The following HINFP variants were observed in gnomAD, a reference collection of about 807,000 sequenced individuals.
HINFP encodes histone H4 transcription factor, also known as MBD2 (methyl-CpG-binding protein)-interacting zinc finger protein.
HINFP carries 20 observed loss-of-function variants against 50.1 expected under a neutral mutation model. The observed-to-expected ratio is 0.40, with a 90% CI of 0.28 to 0.58. The LOEUF (loss-of-function observed/expected upper bound fraction) is 0.58. Among genes scored for constraint, HINFP ranks in the 20% least tolerant of loss-of-function variants. HINFP has a pLI of 0.45. For missense variants in HINFP, 505 were observed against 664.1 expected (o/e 0.76, Z 2.63); for synonymous variants, 247 against 243.7 (o/e 1.01, Z -0.13).
rs1435450116 is a variant in HINFP, at chr11:119,126,865, C to T, written c.-10-70C>T. 3 of 1,432,542 alleles carry T rather than the reference C, an allele frequency of 2.1e-6. No homozygotes were observed. In the African/African-American group the frequency reaches 4.3e-5, roughly 20 times the overall value. 88.7% of individuals were successfully genotyped at this position (1,432,542 alleles called of 1,614,324 possible). A position where few individuals can be genotyped will look rare whatever the true frequency, so the allele number is the denominator to read the frequency against. On this transcript the variant is annotated intron_variant, in intron 1 of 9. Transcript: ENST00000350777. Reference sequence around the variant, plus strand: ...GTGCTGATTCTAGGCAGGCTGCCTGCCCAGCTTTTTGCCCTCAGCAGCACC... The same window carrying T: ...GTGCTGATTCTAGGCAGGCTGCCTGTCCAGCTTTTTGCCCTCAGCAGCACC...
Position 119,127,349 on chromosome 11 carries a change from G to C in HINFP, c.181+224G>C, listed in dbSNP as rs759629904. 140 of 395,112 alleles carry C rather than the reference G, an allele frequency of 3.5e-4. 2 individuals are homozygous for C. The highest frequency in any genetic ancestry group is 5.4e-4 in the Non-Finnish European group (120 of 221,638). The allele number at this position is 395,112 out of a possible 1,614,324, so 24.5% of individuals were successfully genotyped here. On this transcript the variant is annotated intron_variant, in intron 2 of 9. Coordinates refer to ENST00000350777, the MANE Select transcript of HINFP (RefSeq NM_198971.3). ...TGCCATCAAGAAGTAATTGCTGACA[G>C]TACTTTAGTGAACATTGTTTTTGAC... is the stretch of plus-strand genomic sequence containing the variant.
At chr11:119,128,914 G>C (rs897850495) in intron 2 of HINFP, among the ~76,000 whole-genome samples, 1 of 151,874 alleles carries the variant, frequency 6.6e-6, no homozygotes, top group African/African-American at 2.4e-5. Context: ...TGTTAGCCAG[G>C]ATGGGATAGG....
chr11:119,132,874 CTT>C lies in HINFP; in HGVS notation c.887_888del (p.Leu296HisfsTer2), dbSNP rs757857020. On this transcript the variant is annotated frameshift_variant, in exon 8 of 10. Transcript: ENST00000350777. LOFTEE classifies it high-confidence loss of function. Reference protein sequence around the residue: ...CDCCDYSCKNLIDLQKHLDTH... With the variant: ...CDCCDYSCKNXIDLQKHLDTH... Reference sequence around the variant, plus strand: ...GATTTCTCATGGCAGCTGCAAGAATCTTATTGACCTCCAGAAGCACCTGGATA... The same window carrying C: ...GATTTCTCATGGCAGCTGCAAGAATCATTGACCTCCAGAAGCACCTGGATA... 1 of 1,614,226 alleles carries C rather than the reference CTT, an allele frequency of 6.2e-7. No individual in the cohort carries two copies. The highest frequency in any genetic ancestry group is 8.5e-7 in the Non-Finnish European group (1 of 1,180,042).
At chr11:119,125,876 A>G (rs1352932319) in intron 1 of HINFP, 1 of 152,252 alleles carries the variant, frequency 6.6e-6, no homozygotes, top group Non-Finnish European at 1.5e-5. Flanking sequence ...AAAGTCTGGC[A>G]GGGGACTTAT....
At chr11:119,126,856 G>A (rs1342672972) in intron 1 of HINFP, 79 bp from the exon 2 acceptor site, 7 of 1,323,760 alleles carry the variant, frequency 5.3e-6, no homozygotes, top group African/African-American at 1.5e-5. Flanking sequence ...ATTCTAGGCA[G>A]GCTGCCTGCC....
intron 1 of HINFP, among the ~76,000 whole-genome samples, chr11:119,122,904 C>T (rs1316093285): frequency 6.6e-6 from 1 of 152,036 alleles, no homozygotes; most frequent in Non-Finnish European, 1.5e-5. Context: ...GGGCGGATCA[C>T]TTGAGGTCAG....
intron 1 of HINFP, among the ~76,000 whole-genome samples, chr11:119,123,378 G>A (rs190472534): frequency 3.3e-5 from 5 of 152,180 alleles, no homozygotes; most frequent in East Asian, 1.9e-4. Context: ...ATAGATGTTC[G>A]TTTCCCTACC....
intron 2 of HINFP, chr11:119,127,594 A>T (rs930486695): frequency 6.6e-6 from 1 of 151,604 alleles, no homozygotes; most frequent in African/African-American, 2.5e-5. Context: ...CCCAGGTTGG[A>T]GTCCAGTGTC....
At chr11:119,127,991 C>T (rs916626311) in intron 2 of HINFP, among the ~76,000 whole-genome samples, 2 of 151,602 alleles carry the variant, frequency 1.3e-5, no homozygotes, top group Non-Finnish European at 2.9e-5. Context: ...GTAGCTGGGA[C>T]TACAGGCGCG....
At chr11:119,126,821 TG>T in intron 1 of HINFP, 113 bp from the exon 2 acceptor site, 1 of 823,004 alleles carries the variant, frequency 1.2e-6, no homozygotes, top group Non-Finnish European at 1.9e-6. Flanking sequence ...GGGTTTCTCA[TG>T]GGTCACTGGA....
Position 119,127,122 on chromosome 11 carries a change from C to G in HINFP, c.178C>G (p.Leu60Val). Residue 60 changes from leucine to valine, a missense_variant, in exon 2 of 10, where the codon CTT becomes GTT. Coordinates refer to ENST00000350777, the MANE Select transcript of HINFP (RefSeq NM_198971.3). Reference protein sequence around the residue: ...EEEEEEEDDPLEEEFSCLWQE... With the variant: ...EEEEEEEDDPVEEEFSCLWQE... ...GGAAGAGGAAGAGGAGGATGACCCA[C>G]TTGGTAAGAGAGCAGGACACAGGAA... is the stretch of plus-strand genomic sequence containing the variant. 6.2e-7 allele frequency: 1 copy of G among 1,608,966 alleles called. No homozygotes were observed. Among genetic ancestry groups the G allele is most frequent in the Non-Finnish European group, 8.5e-7 (1 of 1,178,332 alleles).
intron 1 of HINFP, 116 bp from the exon 2 acceptor site, chr11:119,126,819 C>T: frequency 1.2e-6 from 1 of 813,572 alleles, no homozygotes; most frequent in Non-Finnish European, 2.0e-6. Flanking sequence ...CAGGGTTTCT[C>T]ATGGGTCACT....
chr11:119,122,677 C>T (rs1947136185), intron 1 of HINFP, among the ~76,000 whole-genome samples: 1 of 152,170 alleles, frequency 6.6e-6, no homozygotes, highest in African/African-American at 2.4e-5. Flanking sequence ...TCCTGAGAAA[C>T]TCCTAGTCTA....
intron 1 of HINFP, among the ~76,000 whole-genome samples, chr11:119,122,827 A>C (rs553349287): frequency 2.4e-4 from 36 of 152,160 alleles, no homozygotes; most frequent in African/African-American, 8.7e-4. Context: ...AGGCGAATAG[A>C]AGTTGCATAG....
At position 119,131,877 on chromosome 11, in the gene HINFP, C is replaced by T. The variant is rs750891465; in HGVS notation, c.571C>T (p.Arg191Cys). The change falls in exon 5 of 10, where the codon CGC becomes TGC. Residue 191 changes from arginine to cysteine, a missense_variant. By Grantham distance (180) the Arg-to-Cys change is radical. Coordinates refer to ENST00000350777, the MANE Select transcript of HINFP (RefSeq NM_198971.3). The surrounding 1 kb of genome is among the most constrained non-coding windows in gnomAD (Gnocchi z 4.2). ...KDRSKLREHLRSHTQEKVVAC... is the reference protein window; with the variant it reads ...KDRSKLREHLCSHTQEKVVAC... ...CCGCAGTAAACTTCGAGAGCACCTC[C>T]GCAGCCATACCCAGGAGAAAGTGGT... 8 of 1,614,160 alleles carry T rather than the reference C, an allele frequency of 5.0e-6. No individual in the cohort carries two copies. The highest frequency in any genetic ancestry group is 1.7e-5 in the Admixed American group (1 of 60,014).
rs754573616 is a variant in HINFP, at chr11:119,132,909, C to T, written c.921C>T (p.Ser307=). The T allele has an allele frequency of 1.9e-5, 30 of 1,614,094 alleles. 1 individual carries two copies. The highest frequency in any genetic ancestry group is 1.1e-4 in the East Asian group (5 of 44,898). ...IDLQKHLDTH[S]EEPAYRCDFE... Reference sequence around the variant, plus strand: ...TCCAGAAGCACCTGGATACCCACAGCGAGGAGCCAGCCTACAGGTGTGATT... The same window carrying T: ...TCCAGAAGCACCTGGATACCCACAGTGAGGAGCCAGCCTACAGGTGTGATT... Residue 307 remains serine, a synonymous_variant, in exon 8 of 10, where the codon AGC becomes AGT. Transcript: ENST00000350777.
chr11:119,131,380 C>T lies in HINFP; in HGVS notation c.412-155C>T, dbSNP rs1947746047. On this transcript the variant is annotated intron_variant, in intron 3 of 9. Coordinates refer to ENST00000350777, the MANE Select transcript of HINFP (RefSeq NM_198971.3). This position sits in a 1 kb window ranked among gnomAD's most constrained non-coding sequence, Gnocchi z 4.2. The stretch of plus-strand genomic sequence containing the variant: ...CTGGGATTACAGGGTTTAGCAACCG[C>T]ACCCGGCCACTCCTCCATTTCTGTG... The T allele has an allele frequency of 1.5e-6, 1 of 649,960 alleles. No homozygotes were observed. The highest frequency in any genetic ancestry group is 2.2e-5 in the Admixed American group (1 of 45,452). The allele number at this position is 649,960 out of a possible 1,614,324, so 40.3% of individuals were successfully genotyped here. A position where few individuals can be genotyped will look rare whatever the true frequency, so the allele number is the denominator to read the frequency against.
At chr11:119,122,948 C>T (rs1003930021) in intron 1 of HINFP, among the ~76,000 whole-genome samples, 2 of 151,896 alleles carry the variant, frequency 1.3e-5, no homozygotes, top group East Asian at 1.9e-4. Context: ...CATGGCAAGA[C>T]CTCGTCTCTA....
intron 1 of HINFP, among the ~76,000 whole-genome samples, chr11:119,123,508 CA>C (rs1947202777): frequency 1.3e-5 from 2 of 151,630 alleles, no homozygotes; most frequent in African/African-American, 4.8e-5. Flanking sequence ...TTTCTTACCA[CA>C]ACATTATAAA....
Sources: allele counts gnomAD v4.1 joint callset (sites outside exome capture counted in the v4.1 genomes callset), GRCh38; gene constraint gnomAD v4.1.1; non-coding constraint Gnocchi (gnomAD v3.1); transcripts MANE v1.5; gene names NCBI Gene and HGNC (gene_info 2026-07-23, HGNC 2026-07-21).